Variants in PLA2G4A observed in about 807,000 individuals in gnomAD.
PLA2G4A encodes phospholipase A2 group IVA, also known as cytosolic phospholipase A2.
In PLA2G4A, 40 loss-of-function variants were observed where a neutral mutation model predicts 81.9. The observed-to-expected ratio is 0.49, with a 90% CI of 0.38 to 0.64. PLA2G4A has a LOEUF of 0.64. Ranked by LOEUF, PLA2G4A falls within the 30% of genes least tolerant of loss-of-function variation. The pLI is 0.00. For missense variants in PLA2G4A, 715 were observed against 905.1 expected, an observed-to-expected ratio of 0.79 and a Z score of 2.69; for synonymous variants, 302 against 296.9, an observed-to-expected ratio of 1.02 and a Z score of -0.18.
intron 5 of PLA2G4A, among the ~76,000 whole-genome samples, chr1:186,897,779 G>T (rs1176545461): frequency 6.6e-6 from 1 of 152,168 alleles, no homozygotes. Flanking sequence ...AAAGTGCTGG[G>T]ATTGCAGGCG....
At chr1:186,897,850 G>T (rs1212157454) in intron 5 of PLA2G4A, among the ~76,000 whole-genome samples, 6 of 152,108 alleles carry the variant, frequency 3.9e-5, no homozygotes, top group African/African-American at 1.2e-4. Flanking sequence ...ACATGTACAG[G>T]TTTGTTATAT....
intron 17 of PLA2G4A, among the ~76,000 whole-genome samples, chr1:186,983,357 T>C (rs938614218): frequency 2.0e-5 from 3 of 152,178 alleles, no homozygotes; most frequent in Non-Finnish European, 4.4e-5. Context: ...GCCAATTACA[T>C]AGACAACAGT....
In PLA2G4A at chr1:186,837,511, C is replaced by T. The variant is rs970035084; in HGVS notation, c.-70+8476C>T. The stretch of plus-strand genomic sequence containing the variant: ...TTGGGAGGCCGAGGCAGGCGGATCA[C>T]GAGGTCAGGAGATCAAGACCATCCT... On this transcript the variant is annotated intron_variant, in intron 1 of 17. Coordinates refer to ENST00000367466, the MANE Select transcript of PLA2G4A (RefSeq NM_024420.3). Among the ~76,000 whole-genome samples, 3 of 151,350 alleles carry T rather than the reference C, an allele frequency of 2.0e-5. No homozygotes were observed. In the East Asian group the frequency reaches 5.9e-4, roughly 30 times the overall value.
chr1:186,891,111 T>A (rs185174936), intron 3 of PLA2G4A, among the ~76,000 whole-genome samples: 3,071 of 151,988 alleles, frequency 0.02, 57 homozygotes, highest in South Asian at 0.041. Flanking sequence ...ATCTTTTTTT[T>A]AAAAAAAAGT....
At chr1:186,829,341 C>A (rs867204826) in intron 1 of PLA2G4A, among the ~76,000 whole-genome samples, 4 of 152,124 alleles carry the variant, frequency 2.6e-5, no homozygotes, top group African/African-American at 9.7e-5. Flanking sequence ...GGTGAGGTGG[C>A]GCTTATTAGC....
chr1:186,975,638 G>A (rs55834900), intron 15 of PLA2G4A, among the ~76,000 whole-genome samples: 1 of 152,184 alleles, frequency 6.6e-6, no homozygotes, highest in Non-Finnish European at 1.5e-5. Context: ...AAATAGAGAT[G>A]AGATGGGATT....
chr1:186,830,608 CAAAAAAAAAAA>C (rs55745208), intron 1 of PLA2G4A, among the ~76,000 whole-genome samples: 40 of 72,694 alleles, frequency 5.5e-4, no homozygotes, highest in African/African-American at 1.8e-3. Flanking sequence ...AGCTCTGTCT[CAAAAAAAAAAA>C]AAAAAAAAAA....
At chr1:186,978,155 C>T (rs1031592217) in intron 16 of PLA2G4A, among the ~76,000 whole-genome samples, 2 of 152,278 alleles carry the variant, frequency 1.3e-5, no homozygotes, top group Admixed American at 1.3e-4. Context: ...GGGAATTTTA[C>T]GTGACTACAA....
At chr1:186,884,022 T>C (rs1488674235) in intron 3 of PLA2G4A, among the ~76,000 whole-genome samples, 2 of 152,044 alleles carry the variant, frequency 1.3e-5, no homozygotes, top group Non-Finnish European at 2.9e-5. Flanking sequence ...ATTTATAAGT[T>C]GAGAGAAAGT....
chr1:186,831,878 C>T (rs1651604138), intron 1 of PLA2G4A, among the ~76,000 whole-genome samples: 1 of 152,096 alleles, frequency 6.6e-6, no homozygotes, highest in African/African-American at 2.4e-5. Flanking sequence ...TGTAGTTTTA[C>T]AAAATTGTGA....
intron 15 of PLA2G4A, among the ~76,000 whole-genome samples, chr1:186,970,131 G>A (rs944030138): frequency 6.6e-6 from 1 of 152,026 alleles, no homozygotes; most frequent in East Asian, 1.9e-4. Flanking sequence ...GAATCTTATT[G>A]TAGTTTTAAT....
chr1:186,868,089 T>TG (rs1470046149), intron 2 of PLA2G4A, among the ~76,000 whole-genome samples: 1 of 128,074 alleles, frequency 7.8e-6, no homozygotes. Flanking sequence ...TTTTTTTTTT[T>TG]TTTTTGAGAC....
At chr1:186,863,875 C>T (rs1169581669) in intron 2 of PLA2G4A, among the ~76,000 whole-genome samples, 1 of 151,812 alleles carries the variant, frequency 6.6e-6, no homozygotes, top group Non-Finnish European at 1.5e-5. Flanking sequence ...ATTATCCTGT[C>T]TCAGCCTCCT....
At chr1:186,935,536 G>A (rs1368281880) in intron 8 of PLA2G4A, among the ~76,000 whole-genome samples, 3 of 151,224 alleles carry the variant, frequency 2.0e-5, no homozygotes, top group Admixed American at 6.6e-5. Context: ...GAAGATAGAA[G>A]GTAAAGAAAA....
intron 15 of PLA2G4A, among the ~76,000 whole-genome samples, chr1:186,973,693 TACA>T (rs541177907): frequency 1.4e-4 from 21 of 152,248 alleles, no homozygotes; most frequent in Non-Finnish European, 2.5e-4. Context: ...GTAAACTCTA[TACA>T]ACATTAGATA....
At chr1:186,970,002 G>A (rs1028027377) in intron 15 of PLA2G4A, among the ~76,000 whole-genome samples, 1 of 152,034 alleles carries the variant, frequency 6.6e-6, no homozygotes, top group East Asian at 1.9e-4. Context: ...TTTCTGTGGT[G>A]GCTGTACTAA....
chr1:186,970,716 G>A (rs961075310), intron 15 of PLA2G4A, among the ~76,000 whole-genome samples: 1 of 151,798 alleles, frequency 6.6e-6, no homozygotes, highest in Non-Finnish European at 1.5e-5. Context: ...GAGTTGAACT[G>A]CAATGGGTGG....
intron 10 of PLA2G4A, among the ~76,000 whole-genome samples, chr1:186,942,631 T>C (rs934943569): frequency 1.4e-4 from 22 of 152,170 alleles, no homozygotes; most frequent in Non-Finnish European, 2.8e-4. Context: ...TTCACGGTGG[T>C]TATATTTTAT....
chr1:186,841,177 A>C (rs1353469831), intron 1 of PLA2G4A, among the ~76,000 whole-genome samples: 1 of 152,208 alleles, frequency 6.6e-6, no homozygotes, highest in African/African-American at 2.4e-5. Flanking sequence ...TAAACAATCT[A>C]ATATTTGAAA....
Sources: allele counts gnomAD v4.1 joint callset (sites outside exome capture counted in the v4.1 genomes callset), GRCh38; gene constraint gnomAD v4.1.1; transcripts MANE v1.5; gene names NCBI Gene and HGNC (gene_info 2026-07-23, HGNC 2026-07-21).